The following POU3F3 variants were observed in gnomAD, a reference collection of about 807,000 sequenced individuals.
POU3F3 encodes the protein POU domain, class 3, transcription factor 3.
Under a neutral mutation model 8.6 loss-of-function variants are expected in POU3F3, and 1 was observed. The observed-to-expected ratio is 0.12, with a 90% CI of 0.04 to 0.55. The LOEUF is 0.55. Ranked by LOEUF, POU3F3 falls within the 20% of genes least tolerant of loss-of-function variation. The pLI, the probability that POU3F3 is intolerant of heterozygous loss-of-function variation, is 0.91. For missense variants in POU3F3, 577 were observed against 690.7 expected (o/e 0.84, Z 1.84); for synonymous variants, 418 against 327.4 (o/e 1.28, Z -2.99).
the POU3F3 span, among the ~76,000 whole-genome samples, chr2:104,891,877 G>A: frequency 6.6e-6 from 1 of 152,170 alleles, no homozygotes; most frequent in East Asian, 1.9e-4. Context: ...CAAAAATATG[G>A]CACAAACCAT....
At position 104,856,260 on chromosome 2, in the gene POU3F3, A is replaced by G. The variant is rs1188323990; in HGVS notation, c.750A>G (p.Gly250=). ...GCGGCGGCGGCGGCGCGGGCGGTGG[A>G]GCCCAGAGCTTGGTGCACCCGGGGC... The part of the protein sequence containing the change: ...PGGGGGGAGG[G]AQSLVHPGLV... The change falls in exon 1 of 1, where the codon GGA becomes GGG. Residue 250 remains glycine, a synonymous_variant. Coordinates refer to ENST00000361360, the MANE Select transcript of POU3F3 (RefSeq NM_006236.3). 4.5e-6 allele frequency: 6 copies of G among 1,325,212 alleles called. No individual in the cohort carries two copies. The highest frequency in any genetic ancestry group is 4.0e-5 in the Admixed American group (1 of 24,820). The allele number at this position is 1,325,212 out of a possible 1,614,324, so 82.1% of individuals were successfully genotyped here.
the POU3F3 span, among the ~76,000 whole-genome samples, chr2:104,895,075 G>A: frequency 6.6e-6 from 1 of 151,448 alleles, no homozygotes; most frequent in Non-Finnish European, 1.5e-5. Context: ...GTGTGTGTGT[G>A]TGTGTGTGTG....
chr2:104,889,468 G>C, the POU3F3 span, among the ~76,000 whole-genome samples: 1 of 152,156 alleles, frequency 6.6e-6, no homozygotes, highest in Non-Finnish European at 1.5e-5. Context: ...CAGTGTGCAG[G>C]TCGGTTGCAG....
the POU3F3 span, among the ~76,000 whole-genome samples, chr2:104,870,853 G>C: frequency 6.4e-4 from 97 of 152,310 alleles, no homozygotes; most frequent in African/African-American, 2.2e-3. Context: ...ATCATCTTCA[G>C]TAATAAATAA....
At chr2:104,920,849 C>T in the POU3F3 span, among the ~76,000 whole-genome samples, 46 of 152,208 alleles carry the variant, frequency 3.0e-4, no homozygotes, top group African/African-American at 4.1e-4. Flanking sequence ...TGTAGCTCTG[C>T]GCCATTAAGT....
At chr2:104,922,392 C>CAAAAAAAAAAAAAA in the POU3F3 span, among the ~76,000 whole-genome samples, 2 of 71,020 alleles carry the variant, frequency 2.8e-5, no homozygotes, top group African/African-American at 5.4e-5. Flanking sequence ...TGAAGATGCT[C>CAAAAAAAAAAAAAA]AAAAAAAAAA....
the POU3F3 span, among the ~76,000 whole-genome samples, chr2:104,914,269 A>G: frequency 6.6e-6 from 1 of 152,198 alleles, no homozygotes; most frequent in African/African-American, 2.4e-5. Flanking sequence ...AATGGTGTTA[A>G]TCCACTCGTT....
Position 104,855,469 on chromosome 2 carries a change from G to C in POU3F3, c.-42G>C. 1 of 943,240 alleles carries C rather than the reference G, an allele frequency of 1.1e-6. No homozygotes were observed. Among genetic ancestry groups the C allele is most frequent in the African/African-American group, 1.8e-5 (1 of 55,064 alleles). The allele number at this position is 943,240 out of a possible 1,614,324, so 58.4% of individuals were successfully genotyped here. A position where few individuals can be genotyped will look rare whatever the true frequency, so the allele number is the denominator to read the frequency against. The stretch of plus-strand genomic sequence containing the variant: ...GGCCGCGGCTGCTGCTGCGGCGGCG[G>C]CGGCGGTGGTGGCGGCGGTGGGGTG... On this transcript the variant is annotated 5_prime_UTR_variant, in exon 1 of 1. Transcript: ENST00000361360.
chr2:104,924,945 A>G, the POU3F3 span, among the ~76,000 whole-genome samples: 1 of 152,248 alleles, frequency 6.6e-6, no homozygotes, highest in Non-Finnish European at 1.5e-5. Context: ...GATTTCAAAA[A>G]TAAAGTAGGG....
At chr2:104,864,033 G>T in the POU3F3 span, among the ~76,000 whole-genome samples, 1 of 152,220 alleles carries the variant, frequency 6.6e-6, no homozygotes, top group Non-Finnish European at 1.5e-5. Context: ...CGCTTCCCGC[G>T]TGTGGGAAAC....
the POU3F3 span, among the ~76,000 whole-genome samples, chr2:104,914,927 GC>G: frequency 6.6e-6 from 1 of 152,206 alleles, no homozygotes; most frequent in African/African-American, 2.4e-5. Context: ...ACAAAGAGTT[GC>G]GGGGAGCAAG....
At chr2:104,861,606 T>G (rs904021917), downstream of POU3F3, among the ~76,000 whole-genome samples, 4 of 152,336 alleles carry the variant, frequency 2.6e-5, no homozygotes, top group Non-Finnish European at 4.4e-5. Flanking sequence ...AGAAGAGTTG[T>G]GCTAGACTGA....
At chr2:104,875,354 G>A in the POU3F3 span, among the ~76,000 whole-genome samples, 1 of 152,226 alleles carries the variant, frequency 6.6e-6, no homozygotes, top group Non-Finnish European at 1.5e-5. Context: ...CGTGTACCCA[G>A]AAGTAGAATT....
chr2:104,856,421 G>C lies in POU3F3; in HGVS notation c.911G>C (p.Gly304Ala). The C allele has an allele frequency of 3.1e-6, 5 of 1,605,526 alleles. 1 individual carries two copies. In the South Asian group the frequency reaches 5.5e-5, roughly 18 times the overall value. Residue 304 changes from glycine (G) to alanine (A), a missense_variant, in exon 1 of 1, where the codon GGA (glycine) becomes GCA (alanine). Gly to Ala is a moderately conservative substitution (Grantham distance 60). Coordinates refer to ENST00000361360, the MANE Select transcript of POU3F3 (RefSeq NM_006236.3). ...GGCGGCGGCGGCGGCGCGGGGCCTG[G>C]ACTCAACAGCCACGACCCGCACTCG... ...HGGGGGGAGP[G>A]LNSHDPHSDE...
At chr2:104,903,274 T>C in the POU3F3 span, among the ~76,000 whole-genome samples, 2 of 152,224 alleles carry the variant, frequency 1.3e-5, no homozygotes, top group Non-Finnish European at 2.9e-5. Flanking sequence ...CTCTGATTTA[T>C]GTTAATATTA....
chr2:104,862,541 C>T (rs367864088), downstream of POU3F3, among the ~76,000 whole-genome samples: 3 of 137,008 alleles, frequency 2.2e-5, no homozygotes, highest in South Asian at 2.7e-4. Context: ...CGCTTCTCTC[C>T]GGGAGGGAGG....
At position 104,857,658 on chromosome 2, in the gene POU3F3, G is replaced by GGAC. The variant is rs1676599509; in HGVS notation, c.*649_*651dup. On this transcript the variant is annotated 3_prime_UTR_variant, in exon 1 of 1. Coordinates refer to ENST00000361360, the MANE Select transcript of POU3F3 (RefSeq NM_006236.3). ...AACAGAGGCACCAGGTTCCATCAGG[G>GGAC]GACGACACCGTGCTCTGGGACCCTG... The GGAC allele has an allele frequency of 6.5e-6, 1 of 153,602 alleles. No homozygotes were observed. Among genetic ancestry groups the GGAC allele is most frequent in the African/African-American group, 2.4e-5 (1 of 41,422 alleles). 9.5% of individuals were successfully genotyped at this position (153,602 alleles called of 1,614,324 possible). A position where few individuals can be genotyped will look rare whatever the true frequency, so the allele number is the denominator to read the frequency against.
rs1307979866 is a variant in POU3F3, at chr2:104,855,835, G to GCCT, written c.327_328insTCC (p.Ala109_Ala110insSer). 1.2e-5 allele frequency: 13 copies of GCCT among 1,106,028 alleles called. No individual in the cohort carries two copies. Among genetic ancestry groups the GCCT allele is most frequent in the Non-Finnish European group, 7.7e-6 (7 of 909,464 alleles). The allele number at this position is 1,106,028 out of a possible 1,614,324, so 68.5% of individuals were successfully genotyped here. ...CCTGCCCCACGCCGCCGCCGCCGCCGCCGCTGCCGCCGCCGCCGCCGTGGA... is the reference window on the plus strand; with the variant it reads ...CCTGCCCCACGCCGCCGCCGCCGCCGCCTCCGCTGCCGCCGCCGCCGCCGTGGA... On this transcript the variant is annotated inframe_insertion, in exon 1 of 1. Coordinates refer to ENST00000361360, the MANE Select transcript of POU3F3 (RefSeq NM_006236.3).
chr2:104,903,803 G>A, the POU3F3 span, among the ~76,000 whole-genome samples: 1 of 152,158 alleles, frequency 6.6e-6, no homozygotes, highest in African/African-American at 2.4e-5. Context: ...AAGCTCTACG[G>A]GTTCTTGCAG....
Sources: allele counts gnomAD v4.1 joint callset (sites outside exome capture counted in the v4.1 genomes callset), GRCh38; gene constraint gnomAD v4.1.1; transcripts MANE v1.5; gene names NCBI Gene and HGNC (gene_info 2026-07-23, HGNC 2026-07-21).